Variants in ERC2 observed in about 807,000 individuals in gnomAD.
The protein encoded by ERC2 is ERC protein 2.
ERC2 carries 42 observed loss-of-function variants against 114.8 expected under a neutral mutation model. The observed-to-expected ratio is 0.37, with a 90% CI of 0.29 to 0.47. The LOEUF is 0.47. Among genes scored for constraint, ERC2 ranks in the 20% least tolerant of loss-of-function variants. The pLI, the probability that ERC2 is intolerant of heterozygous loss-of-function variation, is 0.99. For missense variants in ERC2, 939 were observed against 1,150.7 expected, an observed-to-expected ratio of 0.82 and a Z score of 2.66; for synonymous variants, 454 against 425.5, an observed-to-expected ratio of 1.07 and a Z score of -0.82.
At chr3:55,965,755 T>C (rs1406961681) in intron 12 of ERC2, among the ~76,000 whole-genome samples, 1 of 152,166 alleles carries the variant, frequency 6.6e-6, no homozygotes, top group East Asian at 1.9e-4. Context: ...GACAACACAC[T>C]ACAAAAATAA....
intron 3 of ERC2, among the ~76,000 whole-genome samples, chr3:56,274,270 C>T (rs1453201374): frequency 6.6e-6 from 1 of 152,192 alleles, no homozygotes; most frequent in Non-Finnish European, 1.5e-5. Flanking sequence ...GCCTGATGAT[C>T]TGGGGTGAAA....
chr3:55,845,503 CAAAAAAAAA>C lies in ERC2; in HGVS notation c.2564+42877_2564+42885del, dbSNP rs764740068. Among the ~76,000 whole-genome samples, 4 of 64,036 alleles carry C rather than the reference CAAAAAAAAA, an allele frequency of 6.2e-5. No individual in the cohort carries two copies. In the East Asian group the frequency reaches 2.0e-3, roughly 33 times the overall value. 42.0% of individuals were successfully genotyped at this position (64,036 alleles called of 152,430 possible). On this transcript the variant is annotated intron_variant, in intron 14 of 17. Coordinates refer to ENST00000288221, the MANE Select transcript of ERC2 (RefSeq NM_015576.3). ...TGGGCGACAGAGCGAGACTCCGTCT[CAAAAAAAAA>C]AAAAAAAAAAAAAAGGCAAAAATGG...
At chr3:55,643,889 G>C (rs2060288498) in intron 17 of ERC2, among the ~76,000 whole-genome samples, 1 of 152,114 alleles carries the variant, frequency 6.6e-6, no homozygotes, top group South Asian at 2.1e-4. Context: ...TAAATATTTG[G>C]TCTCTGAGTT....
intron 6 of ERC2, among the ~76,000 whole-genome samples, chr3:56,122,636 T>G (rs1415308043): frequency 6.6e-6 from 1 of 152,068 alleles, no homozygotes; most frequent in Non-Finnish European, 1.5e-5. Flanking sequence ...TTTCACCAGG[T>G]AAAGAGGGCT....
intron 6 of ERC2, among the ~76,000 whole-genome samples, chr3:56,100,133 A>G (rs1463066198): frequency 6.6e-6 from 1 of 152,210 alleles, no homozygotes; most frequent in Non-Finnish European, 1.5e-5. Context: ...ATTTCACTCT[A>G]ACATTGTCTT....
intron 2 of ERC2, among the ~76,000 whole-genome samples, chr3:56,316,821 C>T (rs1218144635): frequency 1.3e-5 from 2 of 152,176 alleles, no homozygotes; most frequent in African/African-American, 2.4e-5. Flanking sequence ...GGCTATAACA[C>T]AATCTCTTAT....
At chr3:56,106,605 T>G (rs983426380) in intron 6 of ERC2, among the ~76,000 whole-genome samples, 3 of 152,212 alleles carry the variant, frequency 2.0e-5, no homozygotes, top group Non-Finnish European at 4.4e-5. Context: ...TTTACTTATT[T>G]ATTTTTTTAA....
intron 6 of ERC2, among the ~76,000 whole-genome samples, chr3:56,132,738 A>G (rs927748668): frequency 6.6e-6 from 1 of 152,238 alleles, no homozygotes; most frequent in Non-Finnish European, 1.5e-5. Flanking sequence ...GAGAGAACAA[A>G]GTCATACACA....
At chr3:55,639,614 T>C (rs2060092598) in intron 17 of ERC2, among the ~76,000 whole-genome samples, 1 of 152,210 alleles carries the variant, frequency 6.6e-6, no homozygotes, top group East Asian at 1.9e-4. Context: ...GAAAGCTCTG[T>C]TGCTTAAATC....
chr3:56,440,253 A>C (rs2062225099), intron 1 of ERC2, among the ~76,000 whole-genome samples: 1 of 152,152 alleles, frequency 6.6e-6, no homozygotes, highest in Admixed American at 6.5e-5. Context: ...CACACATAAA[A>C]CTGAATGCGG....
At chr3:55,580,119 G>A (rs1430391472) in intron 17 of ERC2, among the ~76,000 whole-genome samples, 1 of 152,120 alleles carries the variant, frequency 6.6e-6, no homozygotes, top group African/African-American at 2.4e-5. Flanking sequence ...TAAAAGTAAT[G>A]GTAGTTTTGC....
intron 2 of ERC2, among the ~76,000 whole-genome samples, chr3:56,351,195 T>G (rs2058539870): frequency 6.6e-6 from 1 of 152,072 alleles, no homozygotes; most frequent in Admixed American, 6.5e-5. Flanking sequence ...AAACATTCAT[T>G]CTAAAAAAGA....
chr3:55,541,878 C>G (rs1044836901), intron 17 of ERC2, among the ~76,000 whole-genome samples: 1 of 152,252 alleles, frequency 6.6e-6, no homozygotes, highest in Non-Finnish European at 1.5e-5. Context: ...TTTTTTGAAC[C>G]AATTCAGCCA....
At chr3:55,620,854 G>A (rs2059297032) in intron 17 of ERC2, among the ~76,000 whole-genome samples, 1 of 152,158 alleles carries the variant, frequency 6.6e-6, no homozygotes, top group Non-Finnish European at 1.5e-5. Context: ...TTAACTGATG[G>A]AAGATGTGAT....
chr3:56,118,947 C>G (rs964767063), intron 6 of ERC2, among the ~76,000 whole-genome samples: 6 of 152,134 alleles, frequency 3.9e-5, no homozygotes, highest in Admixed American at 3.9e-4. Context: ...CAGTAATATT[C>G]TTAAGCAAGG....
chr3:55,713,606 T>C (rs900833534), intron 15 of ERC2, among the ~76,000 whole-genome samples: 14 of 152,234 alleles, frequency 9.2e-5, no homozygotes, highest in African/African-American at 3.1e-4. Context: ...TGATTTTGTC[T>C]GCCATTGTTT....
chr3:56,368,501 G>C (rs149771480), intron 2 of ERC2, among the ~76,000 whole-genome samples: 15 of 152,258 alleles, frequency 9.9e-5, no homozygotes, highest in African/African-American at 3.4e-4. Flanking sequence ...TCAACAACAT[G>C]CAAGAGTTAA....
At position 56,139,629 on chromosome 3, in the gene ERC2, A is replaced by G. The variant is rs762830417; in HGVS notation, c.1353T>C (p.Leu451=). 19 of 1,611,418 alleles carry G rather than the reference A, an allele frequency of 1.2e-5. No individual in the cohort carries two copies. Among genetic ancestry groups the G allele is most frequent in the Non-Finnish European group, 1.4e-5 (17 of 1,178,764 alleles). The stretch of plus-strand genomic sequence containing the variant: ...GGGTTTCAAGCTTTGTTTGTAAGGC[A>G]AGAAGTTCCGACTCTTTCTTTGAAA... ...QELSKKESEL[L]ALQTKLETLS... The change falls in exon 6 of 18, where the codon CTT becomes CTC. Residue 451 remains leucine (L), a synonymous_variant. Coordinates refer to ENST00000288221, the MANE Select transcript of ERC2 (RefSeq NM_015576.3).
chr3:55,742,772 T>C (rs2066048745), intron 14 of ERC2, among the ~76,000 whole-genome samples: 1 of 152,130 alleles, frequency 6.6e-6, no homozygotes, highest in African/African-American at 2.4e-5. Flanking sequence ...GGGGTGAGGG[T>C]TGGGTGGAGA....
Sources: allele counts gnomAD v4.1 joint callset (sites outside exome capture counted in the v4.1 genomes callset), GRCh38; gene constraint gnomAD v4.1.1; transcripts MANE v1.5; gene names NCBI Gene and HGNC (gene_info 2026-07-23, HGNC 2026-07-21).